CEP290: variants seen among roughly 807,000 people sequenced by gnomAD.
The protein encoded by CEP290 is centrosomal protein 290.
In CEP290, 317 loss-of-function variants were observed where a neutral mutation model predicts 344.9. The ratio of observed to expected loss-of-function variants is 0.92; its 90% CI spans 0.84 to 1.01. CEP290 has a LOEUF of 1.01. CEP290 is among the 50% of genes least tolerant of loss of function. CEP290 has a pLI of 0.00. For missense variants in CEP290, 2,754 were observed against 2,761.4 expected (o/e 1.00, Z 0.06); for synonymous variants, 932 against 895.8 (o/e 1.04, Z -0.72).
At chr12:88,071,750 T>C (rs2035390936) in intron 42 of CEP290, 31 bp downstream of exon 42, 1 of 1,509,112 alleles carries the variant, frequency 6.6e-7, no homozygotes, top group Non-Finnish European at 8.9e-7. Context: ...ATTTTACACA[T>C]AATTAGTTTT....
chr12:88,071,215 A>G, intron 43 of CEP290, 79 bp downstream of exon 43: 1 of 1,140,808 alleles, frequency 8.8e-7, no homozygotes. Flanking sequence ...TTAAGACAAC[A>G]CACATTTATT....
chr12:88,114,154 C>T (rs2038897734), intron 20 of CEP290, among the ~76,000 whole-genome samples: 1 of 152,070 alleles, frequency 6.6e-6, no homozygotes, highest in Admixed American at 6.6e-5. Context: ...TAAAAAACTC[C>T]TCAAGGTCTC....
chr12:88,097,899 C>T (rs1240965681), intron 26 of CEP290, among the ~76,000 whole-genome samples: 1 of 152,094 alleles, frequency 6.6e-6, no homozygotes, highest in Non-Finnish European at 1.5e-5. Flanking sequence ...AAATTCTGGC[C>T]TTCAGAGTTC....
Position 88,120,103 on chromosome 12 carries a change from A to G in CEP290, c.1522+11T>C, listed in dbSNP as rs1180955717. 6.8e-7 allele frequency: 1 copy of G among 1,474,772 alleles called. No homozygotes were observed. Among genetic ancestry groups the G allele is most frequent in the Non-Finnish European group, 9.0e-7 (1 of 1,110,524 alleles). The allele number at this position is 1,474,772 out of a possible 1,614,324, so 91.4% of individuals were successfully genotyped here. ...GGTTGCGCAAACTATGTAACTTAAAACATGGCTTACCCACACGCTCTCTAA... is the reference window on the plus strand; with the variant it reads ...GGTTGCGCAAACTATGTAACTTAAAGCATGGCTTACCCACACGCTCTCTAA... On this transcript the variant is annotated intron_variant, in intron 15 of 53. Transcript: ENST00000552810.
Position 88,109,112 on chromosome 12 carries a change from C to A in CEP290, c.2437G>T (p.Ala813Ser). The A allele has an allele frequency of 6.8e-7, 1 of 1,463,438 alleles. No individual in the cohort carries two copies. The highest frequency in any genetic ancestry group is 1.4e-5 in the South Asian group (1 of 70,414). 90.7% of individuals were successfully genotyped at this position (1,463,438 alleles called of 1,614,324 possible). The stretch of plus-strand genomic sequence containing the variant: ...AAACTTTGTTGATGACGAATTACAG[C>A]AAATTTTCTGTTGTAATCTTCAAGA... ...DSLEDYNRKFAVIRHQQSLLY... is the reference protein window; with the variant it reads ...DSLEDYNRKFSVIRHQQSLLY... The change falls in exon 23 of 54, where the codon GCT becomes TCT. Residue 813 changes from alanine to serine, a missense_variant. By Grantham distance (99) the Ala-to-Ser change is moderately conservative. Coordinates refer to ENST00000552810, the MANE Select transcript of CEP290 (RefSeq NM_025114.4).
intron 12 of CEP290, 27 bp downstream of exon 12, chr12:88,126,273 GTAATAAAACTGGTTGA>G: frequency 5.0e-6 from 7 of 1,409,154 alleles, no homozygotes; most frequent in Non-Finnish European, 5.5e-6. Context: ...AGTTCCAACT[GTAATAAAACTGGTTGA>G]TAAACAAAAT....
chr12:88,071,987 T>A, intron 41 of CEP290, 61 bp from the exon 42 acceptor site: 8 of 1,399,390 alleles, frequency 5.7e-6, no homozygotes, highest in Non-Finnish European at 6.6e-6. Context: ...TTCTTTATGA[T>A]TTATCAATTA....
At chr12:88,079,382 T>C (rs1371184173) in intron 38 of CEP290, among the ~76,000 whole-genome samples, 153 bp from the exon 39 acceptor site, 1 of 152,152 alleles carries the variant, frequency 6.6e-6, no homozygotes, top group African/African-American at 2.4e-5. Context: ...AATTAACAAC[T>C]CAACTTTTTC....
intron 37 of CEP290, 82 bp from the exon 38 acceptor site, chr12:88,080,477 T>A (rs1474289125): frequency 2.0e-6 from 2 of 1,020,024 alleles, no homozygotes; most frequent in Non-Finnish European, 2.9e-6. Flanking sequence ...TCACCCAGGC[T>A]GGAGTGCAGC....
chr12:88,083,989 T>C (rs1402106936), intron 35 of CEP290, 35 bp from the exon 36 acceptor site: 1 of 1,310,802 alleles, frequency 7.6e-7, no homozygotes, highest in Non-Finnish European at 1.1e-6. Context: ...TATCTTAAAT[T>C]GTGATTAAAA....
intron 13 of CEP290, among the ~76,000 whole-genome samples, chr12:88,123,634 C>A (rs1010450127): frequency 2.6e-5 from 4 of 151,976 alleles, no homozygotes; most frequent in African/African-American, 9.7e-5. Flanking sequence ...AGTAGAAGCT[C>A]TTTAGATTTT....
intron 27 of CEP290, among the ~76,000 whole-genome samples, chr12:88,094,286 T>A (rs1444269464): frequency 6.6e-6 from 1 of 152,044 alleles, no homozygotes; most frequent in African/African-American, 2.4e-5. Context: ...TAAGAAATTT[T>A]AAAAATGGCA....
rs140074611 is a variant in CEP290 at position 88,127,161 on chromosome 12, C to G, written c.943-723G>C. Among the ~76,000 whole-genome samples, 18 of 8,184 alleles carry G rather than the reference C, an allele frequency of 2.2e-3. No homozygotes were observed. The East Asian group carries it at 0.2, about 91-fold the overall frequency. 5.4% of individuals were successfully genotyped at this position (8,184 alleles called of 152,430 possible). ...AGCTCTGTTGAATCCACATGATACT[C>G]CTTACATCAAAATGAATTATATGTT... On this transcript the variant is annotated intron_variant, in intron 11 of 53. Transcript: ENST00000552810.
At chr12:88,092,459 A>T (rs2037123969) in intron 29 of CEP290, among the ~76,000 whole-genome samples, 1 of 152,136 alleles carries the variant, frequency 6.6e-6, no homozygotes, top group Admixed American at 6.5e-5. Flanking sequence ...ACTCTAAAAA[A>T]TGCAAATCTT....
rs74237832 is a variant in CEP290, at chr12:88,056,965, A to C, written c.6819-1248T>G. Among the ~76,000 whole-genome samples, 129 of 152,274 alleles carry C rather than the reference A, an allele frequency of 8.5e-4. 2 individuals carry two copies. In the South Asian group the frequency reaches 0.014, roughly 16 times the overall value. ...GCCTTCTCTCTGTCAAGAGATTTCT[A>C]CTTAGACTTATGTCTTCTGCAATGT... On this transcript the variant is annotated intron_variant, in intron 49 of 53. Coordinates refer to ENST00000552810, the MANE Select transcript of CEP290 (RefSeq NM_025114.4).
chr12:88,071,671 C>A, intron 42 of CEP290, 110 bp downstream of exon 42: 3 of 920,022 alleles, frequency 3.3e-6, no homozygotes, highest in Non-Finnish European at 3.2e-6. Flanking sequence ...AATAAATGAT[C>A]ATTTAAACTA....
chr12:88,050,173 A>AT, intron 53 of CEP290, 181 bp downstream of exon 53: 1 of 473,098 alleles, frequency 2.1e-6, no homozygotes, highest in Admixed American at 4.3e-5. Flanking sequence ...TTGAGTCTGA[A>AT]TTTTTTGTTA....
At chr12:88,140,514 T>C (rs1303120418) in intron 3 of CEP290, among the ~76,000 whole-genome samples, 1 of 152,200 alleles carries the variant, frequency 6.6e-6, no homozygotes, top group Non-Finnish European at 1.5e-5. Flanking sequence ...TATTTCCTGT[T>C]CTCAGTATTT....
chr12:88,065,155 A>T (rs554829263), intron 44 of CEP290, among the ~76,000 whole-genome samples: 53 of 151,954 alleles, frequency 3.5e-4, no homozygotes, highest in African/African-American at 1.0e-3. Flanking sequence ...ATAGGAAATA[A>T]TTTTTTTTAA....
Sources: gnomAD v4.1 joint callset for allele counts (sites outside exome capture counted in the v4.1 genomes callset) on GRCh38, gnomAD v4.1.1 for gene constraint, MANE v1.5 for transcripts, NCBI Gene and HGNC (gene_info 2026-07-23, HGNC 2026-07-21) for gene names.